Variants in ANGEL2 observed in about 807,000 individuals in gnomAD.
ANGEL2 encodes the protein RNA 2',3'-cyclic phosphatase ANGEL2.
Under a neutral mutation model 66.0 loss-of-function variants are expected in ANGEL2, and 41 were observed. The observed-to-expected ratio is 0.62, with a 90% CI of 0.48 to 0.81. The LOEUF (loss-of-function observed/expected upper bound fraction) is 0.81, where lower values mean the gene tolerates loss of function less well. ANGEL2 is among the 30% of genes least tolerant of loss of function. The pLI is 0.00. For synonymous variants in ANGEL2, 208 were observed against 226.5 expected, an observed-to-expected ratio of 0.92 and a Z score of 0.73; for missense variants, 561 against 641.6, an observed-to-expected ratio of 0.87 and a Z score of 1.36.
At chr1:213,011,788 T>C (rs749639828) in intron 2 of ANGEL2, among the ~76,000 whole-genome samples, 5 of 152,182 alleles carry the variant, frequency 3.3e-5, no homozygotes, top group African/African-American at 4.8e-5. Flanking sequence ...TCTGAAAGCA[T>C]CCCAGATTTC....
intron 3 of ANGEL2, 110 bp from the exon 4 acceptor site, chr1:213,007,308 T>C: frequency 1.2e-6 from 1 of 802,774 alleles, no homozygotes; most frequent in Non-Finnish European, 1.9e-6. Context: ...CCACACCTGA[T>C]AAGAATTGAA....
chr1:213,002,690 G>A (rs1349338152), intron 5 of ANGEL2, among the ~76,000 whole-genome samples: 2 of 152,106 alleles, frequency 1.3e-5, no homozygotes, highest in Non-Finnish European at 2.9e-5. Context: ...GGCTGAGGCA[G>A]GAGGATTGCT....
chr1:212,995,972 T>C (rs1450253832), intron 8 of ANGEL2, among the ~76,000 whole-genome samples: 1 of 152,242 alleles, frequency 6.6e-6, no homozygotes, highest in Non-Finnish European at 1.5e-5. Context: ...AATCTTAAAC[T>C]GCATTTTCTT....
rs776719513 is a variant in ANGEL2 at position 213,005,208 on chromosome 1, A to C, written c.959T>G (p.Ile320Ser). 1 of 1,614,254 alleles carries C rather than the reference A, an allele frequency of 6.2e-7. No individual in the cohort carries two copies. Among genetic ancestry groups the C allele is most frequent in the Non-Finnish European group, 8.5e-7 (1 of 1,180,038 alleles). Residue 320 changes from isoleucine (I) to serine (S), a missense_variant, in exon 5 of 9, where the codon ATT (isoleucine) becomes AGT (serine). Coordinates refer to ENST00000366962, the MANE Select transcript of ANGEL2 (RefSeq NM_144567.5). ...TAGCATTGCCAATTGCGTCAGCTTA[A>C]TATCACCTCGCCTTGGATTATACAA... ...HLLYNPRRGD[I>S]KLTQLAMLLA...
intron 8 of ANGEL2, among the ~76,000 whole-genome samples, chr1:212,996,189 C>T (rs1367314817): frequency 3.9e-5 from 6 of 152,092 alleles, no homozygotes; most frequent in Non-Finnish European, 7.4e-5. Context: ...CGCCTGTAGT[C>T]CCAGTGGCTC....
chr1:212,998,688 ATT>A (rs1014375179), intron 7 of ANGEL2, among the ~76,000 whole-genome samples: 1 of 142,022 alleles, frequency 7.0e-6, no homozygotes. Context: ...CACCTAGCTA[ATT>A]TTTTTTTTTG....
intron 2 of ANGEL2, among the ~76,000 whole-genome samples, chr1:213,012,876 T>C (rs2076543172): frequency 6.6e-6 from 1 of 152,226 alleles, no homozygotes; most frequent in Non-Finnish European, 1.5e-5. Flanking sequence ...TGTAGACTCA[T>C]TTCTATTTTT....
chr1:213,001,876 C>T (rs977851566), intron 5 of ANGEL2: 15 of 153,858 alleles, frequency 9.7e-5, no homozygotes, highest in African/African-American at 3.6e-4. Flanking sequence ...TCAGTTAATT[C>T]TTCAGGCTCC....
chr1:212,995,135 G>A lies in ANGEL2; in HGVS notation c.1541C>T (p.Thr514Ile), dbSNP rs1482615542. 2 of 1,610,424 alleles carry A rather than the reference G, an allele frequency of 1.2e-6. No individual in the cohort carries two copies. Among genetic ancestry groups the A allele is most frequent in the Non-Finnish European group, 1.7e-6 (2 of 1,178,044 alleles). The change falls in exon 9 of 9, where the codon ACA (threonine) becomes ATA (isoleucine). Residue 514 changes from threonine (T) to isoleucine (I), a missense_variant. Thr to Ile is a moderately conservative substitution (Grantham distance 89). Coordinates refer to ENST00000366962, the MANE Select transcript of ANGEL2 (RefSeq NM_144567.5). ...ATTAACAGTCCATAAGTCTTGTTCT[G>A]TAAGAAGTGACAGTCTAGCTAGAAG... is the stretch of plus-strand genomic sequence containing the variant. ...LKLLARLSLL[T>I]EQDLWTVNGL...
chr1:213,000,682 G>GAATATTCATATATATA, intron 6 of ANGEL2, 104 bp downstream of exon 6: 3 of 1,231,352 alleles, frequency 2.4e-6, no homozygotes, highest in Non-Finnish European at 3.3e-6. Flanking sequence ...TTATATATAT[G>GAATATTCATATATATA]AATATTCATC....
chr1:213,009,386 G>A (rs758575984), intron 2 of ANGEL2, among the ~76,000 whole-genome samples: 1 of 152,134 alleles, frequency 6.6e-6, no homozygotes, highest in African/African-American at 2.4e-5. Flanking sequence ...GAGAATTTAT[G>A]AGTTCAAAAG....
chr1:213,008,146 G>T, intron 3 of ANGEL2, 64 bp downstream of exon 3: 2 of 1,538,976 alleles, frequency 1.3e-6, no homozygotes, highest in East Asian at 4.6e-5. Context: ...TTACAAGCAT[G>T]AGCCAGTGTG....
At chr1:213,000,699 A>AT (rs909234437) in intron 6 of ANGEL2, 87 bp downstream of exon 6, 16 of 1,416,692 alleles carry the variant, frequency 1.1e-5, no homozygotes, top group African/African-American at 8.8e-5. Context: ...CATCCCTGAG[A>AT]TTTTTTCTTT....
chr1:213,005,656 T>C (rs1319623522), intron 4 of ANGEL2, among the ~76,000 whole-genome samples: 5 of 152,228 alleles, frequency 3.3e-5, no homozygotes, highest in Non-Finnish European at 7.3e-5. Context: ...CAGCCCTTGA[T>C]ATGCTAATGT....
At position 213,005,455 on chromosome 1, in the gene ANGEL2, C is replaced by G; in HGVS notation, c.713-1G>C. ...CGCATCTTATATTCACAGTGATAAC[C>G]TACAAGAAACAAATGAATTTAAAAC... On this transcript the variant is annotated splice_acceptor_variant, in intron 4 of 8. Coordinates refer to ENST00000366962, the MANE Select transcript of ANGEL2 (RefSeq NM_144567.5). LOFTEE classifies it high-confidence loss of function. 6.4e-7 allele frequency: 1 copy of G among 1,567,226 alleles called. No homozygotes were observed. Among genetic ancestry groups the G allele is most frequent in the Non-Finnish European group, 8.6e-7 (1 of 1,160,164 alleles).
Position 212,994,974 on chromosome 1 carries a change from T to G in ANGEL2, c.*67A>C, listed in dbSNP as rs1246604350. On this transcript the variant is annotated 3_prime_UTR_variant, in exon 9 of 9. Transcript: ENST00000366962. ...CAAAAATAAACAACATGCATACACT[T>G]AAGAACTTTACATTCTTTGAAAAAC... The G allele has an allele frequency of 1.4e-5, 20 of 1,471,836 alleles. No homozygotes were observed. Among genetic ancestry groups the G allele is most frequent in the Non-Finnish European group, 1.8e-5 (20 of 1,098,984 alleles). 91.2% of individuals were successfully genotyped at this position (1,471,836 alleles called of 1,614,324 possible). A position where few individuals can be genotyped will look rare whatever the true frequency, so the allele number is the denominator to read the frequency against.
rs770097477 is a variant in ANGEL2, at chr1:213,013,395, G to A, written c.83C>T (p.Ser28Leu). The A allele has an allele frequency of 3.1e-6, 5 of 1,613,326 alleles. No individual in the cohort carries two copies. The African/African-American group carries it at 4.0e-5, about 13-fold the overall frequency. ...AGTCCAGTCTCTGCCCAGACTCCTCGAGTGATGGGGAAACATGGGGTATCT... is the reference window on the plus strand; with the variant it reads ...AGTCCAGTCTCTGCCCAGACTCCTCAAGTGATGGGGAAACATGGGGTATCT... ...RGRYPMFPHH[S>L]RSLGRDWTTP... The change falls in exon 2 of 9, where the codon TCG (serine) becomes TTG (leucine). Residue 28 changes from serine to leucine, a missense_variant. By Grantham distance (145) the Ser-to-Leu change is moderately radical. Transcript: ENST00000366962.
At chr1:213,003,373 T>C (rs1262546075) in intron 5 of ANGEL2, among the ~76,000 whole-genome samples, 1 of 152,258 alleles carries the variant, frequency 6.6e-6, no homozygotes, top group East Asian at 1.9e-4. Context: ...TTTTGGCCTC[T>C]CTCAGCTTTC....
Position 212,992,260 on chromosome 1 carries a change from G to C in ANGEL2, c.*2781C>G, listed in dbSNP as rs1409927388. On this transcript the variant is annotated 3_prime_UTR_variant, in exon 9 of 9. Coordinates refer to ENST00000366962, the MANE Select transcript of ANGEL2 (RefSeq NM_144567.5). ...GACGCCTCTCTTTCCCCAATCCCTT[G>C]AACTCTCTGGATCTCAAACTTTCTT... is the stretch of plus-strand genomic sequence containing the variant. The C allele has an allele frequency of 6.6e-6, 1 of 152,138 alleles. No homozygotes were observed. Among genetic ancestry groups the C allele is most frequent in the Admixed American group, 6.5e-5 (1 of 15,274 alleles). 9.4% of individuals were successfully genotyped at this position (152,138 alleles called of 1,614,324 possible).
Sources: gnomAD v4.1 joint callset for allele counts (sites outside exome capture counted in the v4.1 genomes callset) on GRCh38, gnomAD v4.1.1 for gene constraint, MANE v1.5 for transcripts, NCBI Gene and HGNC (gene_info 2026-07-23, HGNC 2026-07-21) for gene names.